Variants in COL26A1 observed in about 807,000 individuals in gnomAD.
The protein encoded by COL26A1 is collagen type XXVI alpha 1 chain, also known as collagen alpha-1(XXVI) chain.
COL26A1 carries 41 observed loss-of-function variants against 59.3 expected under a neutral mutation model. The ratio of observed to expected loss-of-function variants is 0.69; its 90% CI spans 0.54 to 0.90. COL26A1 has a LOEUF of 0.90. COL26A1 is among the 40% of genes least tolerant of loss of function. COL26A1 has a pLI of 0.00. For synonymous variants in COL26A1, 266 were observed against 256.0 expected (o/e 1.04, Z -0.37); for missense variants, 612 against 602.3 (o/e 1.02, Z -0.17).
chr7:101,507,813 C>G (rs1349572241), intron 3 of COL26A1, among the ~76,000 whole-genome samples: 1 of 152,096 alleles, frequency 6.6e-6, no homozygotes, highest in Non-Finnish European at 1.5e-5. Flanking sequence ...TAAACATTCC[C>G]CTTCCCTGTT....
chr7:101,464,075 C>T (rs1047081784), intron 3 of COL26A1, among the ~76,000 whole-genome samples: 5 of 151,652 alleles, frequency 3.3e-5, no homozygotes, highest in African/African-American at 1.2e-4. Flanking sequence ...AAGCAATCCT[C>T]CTACCGTAGT....
chr7:101,557,116 G>A (rs1261913532), intron 12 of COL26A1, among the ~76,000 whole-genome samples: 1 of 152,012 alleles, frequency 6.6e-6, no homozygotes, highest in East Asian at 1.9e-4. Flanking sequence ...TGGATGAATG[G>A]GTGAATGGAT....
intron 4 of COL26A1, among the ~76,000 whole-genome samples, chr7:101,533,746 C>G (rs1197671045): frequency 1.3e-5 from 2 of 152,150 alleles, no homozygotes; most frequent in Non-Finnish European, 2.9e-5. Context: ...GGCTCCATCC[C>G]ACGCTCCCTC....
chr7:101,389,335 T>G (rs1034137430), intron 1 of COL26A1, among the ~76,000 whole-genome samples: 1 of 152,006 alleles, frequency 6.6e-6, no homozygotes, highest in Non-Finnish European at 1.5e-5. Context: ...GAGTTCCTTA[T>G]GTATCTGGAT....
chr7:101,492,696 CAAAAAATAAATA>C (rs1794487806), intron 3 of COL26A1, among the ~76,000 whole-genome samples: 1 of 133,910 alleles, frequency 7.5e-6, no homozygotes, highest in Non-Finnish European at 1.6e-5. Flanking sequence ...GACTCTGTCT[CAAAAAATAAATA>C]AATAAATAAA....
rs1332754822 is a variant in COL26A1 at position 101,369,451 on chromosome 7, T to TC, written c.158+6261_158+6262insC. Among the ~76,000 whole-genome samples the TC allele has an allele frequency of 2.3e-5, 3 of 130,742 alleles. No individual in the cohort carries two copies. In the East Asian group the frequency reaches 6.9e-4, roughly 30 times the overall value. 85.8% of individuals were successfully genotyped at this position (130,742 alleles called of 152,430 possible). A position where few individuals can be genotyped will look rare whatever the true frequency, so the allele number is the denominator to read the frequency against. ...GCAAAGGTAATCTGCATCTTTTTTT[T>TC]TTTTTTTTTTTTTTTGAGACAGAGT... On this transcript the variant is annotated intron_variant, in intron 1 of 12. Coordinates refer to ENST00000313669, the MANE Select transcript of COL26A1 (RefSeq NM_001278563.3).
chr7:101,403,046 A>G (rs554459559), intron 1 of COL26A1, among the ~76,000 whole-genome samples: 8 of 151,704 alleles, frequency 5.3e-5, no homozygotes, highest in South Asian at 2.1e-4. Flanking sequence ...GTCTCGCTGT[A>G]TTGCCCAGGC....
chr7:101,488,414 C>CA (rs1794316240), intron 3 of COL26A1, among the ~76,000 whole-genome samples: 1 of 143,612 alleles, frequency 7.0e-6, no homozygotes, highest in South Asian at 2.3e-4. Flanking sequence ...CTAACTCTGT[C>CA]ACCCAGGCTG....
intron 2 of COL26A1, among the ~76,000 whole-genome samples, chr7:101,430,205 T>C (rs1298691677): frequency 6.6e-6 from 1 of 152,208 alleles, no homozygotes; most frequent in African/African-American, 2.4e-5. Flanking sequence ...TACCTAATTA[T>C]TGCATTTTCT....
intron 3 of COL26A1, among the ~76,000 whole-genome samples, chr7:101,520,339 C>T (rs1354858511): frequency 6.6e-6 from 1 of 152,176 alleles, no homozygotes; most frequent in Admixed American, 6.5e-5. Context: ...GGGACCCTCC[C>T]AGCCTCCTGA....
intron 3 of COL26A1, among the ~76,000 whole-genome samples, chr7:101,487,822 C>T (rs950851356): frequency 6.6e-6 from 1 of 152,178 alleles, no homozygotes; most frequent in Admixed American, 6.6e-5. Flanking sequence ...TTGGCCCCCA[C>T]CACAACACTG....
At chr7:101,436,640 A>G (rs1403392263) in intron 2 of COL26A1, among the ~76,000 whole-genome samples, 1 of 152,016 alleles carries the variant, frequency 6.6e-6, no homozygotes, top group Non-Finnish European at 1.5e-5. Flanking sequence ...TTTGGAGACC[A>G]GAGAGCCAAG....
intron 1 of COL26A1, among the ~76,000 whole-genome samples, chr7:101,416,600 TCTC>T (rs1467885352): frequency 2.1e-5 from 3 of 143,986 alleles, no homozygotes; most frequent in Non-Finnish European, 4.7e-5. Context: ...CTGTTTTCCA[TCTC>T]CTTTTCTTTT....
chr7:101,478,183 G>A (rs117680908), intron 3 of COL26A1, among the ~76,000 whole-genome samples: 2,661 of 152,096 alleles, frequency 0.017, 33 homozygotes, highest in Non-Finnish European at 0.028. Context: ...GTTTCATCAT[G>A]TTAGCTAGGC....
chr7:101,440,831 G>A (rs1187071854), intron 2 of COL26A1, among the ~76,000 whole-genome samples: 1 of 152,022 alleles, frequency 6.6e-6, no homozygotes, highest in Non-Finnish European at 1.5e-5. Context: ...CTAAAATTAG[G>A]TTAAAAATAC....
At chr7:101,371,295 A>T (rs1403225309) in intron 1 of COL26A1, among the ~76,000 whole-genome samples, 2 of 152,140 alleles carry the variant, frequency 1.3e-5, no homozygotes, top group African/African-American at 4.8e-5. Context: ...CTCCGACTGG[A>T]TTGCATGCCT....
intron 3 of COL26A1, among the ~76,000 whole-genome samples, chr7:101,520,675 T>C: frequency 9.7e-6 from 1 of 103,372 alleles, no homozygotes; most frequent in Non-Finnish European, 1.9e-5. Context: ...CCCGTGTTCT[T>C]GCATGTTTTT....
At chr7:101,437,451 C>G (rs1419079645) in intron 2 of COL26A1, among the ~76,000 whole-genome samples, 2 of 114,272 alleles carry the variant, frequency 1.8e-5, no homozygotes, top group African/African-American at 7.3e-5. Context: ...CTGAATCGGG[C>G]GGAGTTCTGA....
At chr7:101,533,401 G>A (rs1018402365) in intron 4 of COL26A1, among the ~76,000 whole-genome samples, 1 of 152,082 alleles carries the variant, frequency 6.6e-6, no homozygotes, top group Admixed American at 6.5e-5. Flanking sequence ...GGACCCGGGG[G>A]CTGGGAGGCT....
Sources: gnomAD v4.1 joint callset for allele counts (sites outside exome capture counted in the v4.1 genomes callset) on GRCh38, gnomAD v4.1.1 for gene constraint, MANE v1.5 for transcripts, NCBI Gene and HGNC (gene_info 2026-07-23, HGNC 2026-07-21) for gene names.